Variants in PPARGC1A observed in about 807,000 individuals in gnomAD.
PPARGC1A encodes PPARG coactivator 1 alpha.
In PPARGC1A, 25 loss-of-function variants were observed where a neutral mutation model predicts 88.7. The ratio of observed to expected loss-of-function variants is 0.28; its 90% CI spans 0.21 to 0.39. The LOEUF is 0.39. PPARGC1A is among the 10% of genes least tolerant of loss of function. PPARGC1A has a pLI of 1.00. For missense variants in PPARGC1A, 880 were observed against 968.7 expected (o/e 0.91, Z 1.22); for synonymous variants, 363 against 355.6 (o/e 1.02, Z -0.24).
At chr4:24,296,060 A>G in the PPARGC1A span, among the ~76,000 whole-genome samples, 8 of 151,074 alleles carry the variant, frequency 5.3e-5, no homozygotes, top group South Asian at 1.7e-3. Context: ...ATGTGTATAT[A>G]TGTGTATATG....
chr4:24,010,989 A>G, the PPARGC1A span, among the ~76,000 whole-genome samples: 1 of 152,118 alleles, frequency 6.6e-6, no homozygotes, highest in African/African-American at 2.4e-5. Flanking sequence ...TTCAACTACG[A>G]TAATGAGGGG....
the PPARGC1A span, among the ~76,000 whole-genome samples, chr4:24,266,683 A>G: frequency 2.6e-5 from 4 of 152,174 alleles, no homozygotes; most frequent in Non-Finnish European, 2.9e-5. Flanking sequence ...CTGTTGCAAG[A>G]ACATTTAAGC....
the PPARGC1A span, among the ~76,000 whole-genome samples, chr4:23,959,105 T>G: frequency 1.2e-3 from 183 of 151,980 alleles, no homozygotes; most frequent in Non-Finnish European, 2.3e-3. Context: ...ACAGGTTCTC[T>G]CAATAGGAGA....
the PPARGC1A span, among the ~76,000 whole-genome samples, chr4:24,308,501 C>A: frequency 6.6e-6 from 1 of 151,906 alleles, no homozygotes; most frequent in Non-Finnish European, 1.5e-5. Flanking sequence ...TACCCTTTAC[C>A]ACAGTGGATA....
chr4:23,933,949 C>T, the PPARGC1A span, among the ~76,000 whole-genome samples: 6 of 152,158 alleles, frequency 3.9e-5, no homozygotes, highest in South Asian at 2.1e-4. Context: ...TTTGCTAGGC[C>T]GAACTGTCCA....
At chr4:24,205,779 T>C in the PPARGC1A span, among the ~76,000 whole-genome samples, 5 of 152,196 alleles carry the variant, frequency 3.3e-5, no homozygotes, top group African/African-American at 1.2e-4. Flanking sequence ...AGTCAGAATC[T>C]TTGAGATTCA....
intron 2 of PPARGC1A, among the ~76,000 whole-genome samples, chr4:23,870,636 G>A (rs1181820691): frequency 6.6e-6 from 1 of 152,252 alleles, no homozygotes; most frequent in Admixed American, 6.5e-5. Flanking sequence ...GGAAGCAAGC[G>A]TTAAGTGAGG....
rs534107670 is a variant in PPARGC1A at position 23,828,455 on chromosome 4, G to A, written c.702C>T (p.Asp234=). 1 of 1,614,082 alleles carries A rather than the reference G, an allele frequency of 6.2e-7. No individual in the cohort carries two copies. The highest frequency in any genetic ancestry group is 1.7e-5 in the Admixed American group (1 of 60,016). Residue 234 remains aspartate, a synonymous_variant, in exon 5 of 13, where the codon GAC becomes GAT. Coordinates refer to ENST00000264867, the MANE Select transcript of PPARGC1A (RefSeq NM_013261.5). ...GGGACTTCTTTTTGGAGGTGCATTT[G>A]TCTCTGCTGCTGTTTCTGTTCTCTG... ...KPTENRNSSR[D]KCTSKKKSHT...
the PPARGC1A span, among the ~76,000 whole-genome samples, chr4:24,150,947 T>C: frequency 6.6e-6 from 1 of 152,200 alleles, no homozygotes; most frequent in Non-Finnish European, 1.5e-5. Flanking sequence ...CTCTTTCATG[T>C]CCCAAATATG....
At chr4:23,875,502 C>T (rs917627474) in intron 2 of PPARGC1A, among the ~76,000 whole-genome samples, 18 of 151,902 alleles carry the variant, frequency 1.2e-4, no homozygotes, top group Middle Eastern at 3.4e-3. Flanking sequence ...GTAAATCCAA[C>T]CTACGAGATA....
chr4:24,088,767 C>T, the PPARGC1A span, among the ~76,000 whole-genome samples: 4 of 152,218 alleles, frequency 2.6e-5, no homozygotes, highest in South Asian at 6.2e-4. Context: ...TTACTGCCTG[C>T]CCACATCACA....
chr4:23,972,935 A>G, the PPARGC1A span, among the ~76,000 whole-genome samples: 1 of 152,134 alleles, frequency 6.6e-6, no homozygotes. Context: ...GTGACTTCCT[A>G]TGTGTGCCAG....
At chr4:23,903,837 T>C (rs1039550512), upstream of PPARGC1A, among the ~76,000 whole-genome samples, 2 of 150,968 alleles carry the variant, frequency 1.3e-5, no homozygotes, top group African/African-American at 4.9e-5. Flanking sequence ...TACACACTTC[T>C]CTCTTTCTTT....
chr4:24,055,916 T>C, the PPARGC1A span, among the ~76,000 whole-genome samples: 1 of 152,224 alleles, frequency 6.6e-6, no homozygotes, highest in Non-Finnish European at 1.5e-5. Context: ...AGGGAACACT[T>C]TCGTCAGGTT....
At chr4:24,129,216 T>C in the PPARGC1A span, among the ~76,000 whole-genome samples, 1 of 151,552 alleles carries the variant, frequency 6.6e-6, no homozygotes, top group South Asian at 2.1e-4. Flanking sequence ...GAATATTTCA[T>C]CTTTCGGATT....
chr4:24,393,749 TATTTGCTTA>T, the PPARGC1A span, among the ~76,000 whole-genome samples: 12 of 152,368 alleles, frequency 7.9e-5, no homozygotes, highest in Middle Eastern at 3.4e-3. Context: ...TCTGTACTAG[TATTTGCTTA>T]ACGTTCTTTT....
chr4:24,276,317 G>A, the PPARGC1A span, among the ~76,000 whole-genome samples: 3 of 152,218 alleles, frequency 2.0e-5, no homozygotes, highest in Non-Finnish European at 4.4e-5. Context: ...TCCAGGTCCT[G>A]TAAGTCCACA....
the PPARGC1A span, among the ~76,000 whole-genome samples, chr4:24,000,129 T>G: frequency 6.6e-6 from 1 of 152,118 alleles, no homozygotes; most frequent in African/African-American, 2.4e-5. Flanking sequence ...TATATATGTT[T>G]AAGTCTACCT....
At chr4:24,110,475 T>C in the PPARGC1A span, among the ~76,000 whole-genome samples, 3,199 of 152,260 alleles carry the variant, frequency 0.021, 51 homozygotes, top group Middle Eastern at 0.031. Flanking sequence ...TACCAACTCC[T>C]GTCCCAGCTC....
Sources: gnomAD v4.1 joint callset for allele counts (sites outside exome capture counted in the v4.1 genomes callset) on GRCh38, gnomAD v4.1.1 for gene constraint, MANE v1.5 for transcripts, NCBI Gene and HGNC (gene_info 2026-07-23, HGNC 2026-07-21) for gene names.